The following KCNH1 variants were observed in gnomAD, a reference collection of about 807,000 sequenced individuals.
The protein encoded by KCNH1 is potassium voltage-gated channel subfamily H member 1.
In KCNH1, 27 loss-of-function variants were observed where a neutral mutation model predicts 69.2. The observed-to-expected ratio is 0.39, with a 90% CI of 0.29 to 0.54. KCNH1 has a LOEUF of 0.54. KCNH1 is among the 20% of genes least tolerant of loss of function. KCNH1 has a pLI of 0.68. For missense variants in KCNH1, 798 were observed against 1,261.6 expected, an observed-to-expected ratio of 0.63 and a Z score of 5.57; for synonymous variants, 456 against 487.7, an observed-to-expected ratio of 0.93 and a Z score of 0.86.
intron 6 of KCNH1, among the ~76,000 whole-genome samples, chr1:210,976,227 T>A (rs1458313610): frequency 2.6e-5 from 4 of 152,108 alleles, no homozygotes; most frequent in Admixed American, 2.6e-4. Flanking sequence ...AAATACCATT[T>A]GACCCAGCCA....
chr1:211,094,659 G>A (rs1189654467), intron 3 of KCNH1, among the ~76,000 whole-genome samples: 1 of 152,190 alleles, frequency 6.6e-6, no homozygotes, highest in Non-Finnish European at 1.5e-5. Flanking sequence ...TCCAGGGAGT[G>A]CTGCACAGCA....
At position 210,865,100 on chromosome 1, in the gene KCNH1, A is replaced by G. The variant is rs146766777; in HGVS notation, c.1462+54540T>C. ...CTTTCCAGGTTCAAGGGTAGAGAACAAGTATCAAAGGCAAATTTTTAGAAG... is the reference window on the plus strand; with the variant it reads ...CTTTCCAGGTTCAAGGGTAGAGAACGAGTATCAAAGGCAAATTTTTAGAAG... On this transcript the variant is annotated intron_variant, in intron 7 of 10. Transcript: ENST00000271751. Among the ~76,000 whole-genome samples, 265 of 152,346 alleles carry G rather than the reference A, an allele frequency of 1.7e-3. 4 individuals carry two copies. Among genetic ancestry groups the G allele is most frequent in the African/African-American group, 6.0e-3 (248 of 41,586 alleles).
chr1:210,881,283 G>A (rs1686489145), intron 7 of KCNH1, among the ~76,000 whole-genome samples: 1 of 152,134 alleles, frequency 6.6e-6, no homozygotes, highest in Non-Finnish European at 1.5e-5. Context: ...GATTACAGGT[G>A]TGAGCCACCA....
At chr1:211,066,175 T>C (rs1482510843) in intron 5 of KCNH1, among the ~76,000 whole-genome samples, 2 of 152,212 alleles carry the variant, frequency 1.3e-5, no homozygotes, top group South Asian at 2.1e-4. Flanking sequence ...TTACTTTATA[T>C]ACGTCTTTAG....
rs1021319322 is a variant in KCNH1, at chr1:211,067,062, C to T, written c.558+15718G>A. ...TGGTGTCCCTTCCACATCTTCCCCG[C>T]AGTAATCCCATGGAGAGAGAGGCCA... On this transcript the variant is annotated intron_variant, in intron 5 of 10. Transcript: ENST00000271751. 3.9e-5 allele frequency among the ~76,000 whole-genome samples: 6 copies of T among 152,160 alleles called. No homozygotes were observed. The East Asian group carries it at 9.6e-4, about 24-fold the overall frequency.
chr1:210,684,800 A>G (rs1271587321), intron 10 of KCNH1, among the ~76,000 whole-genome samples: 1 of 152,308 alleles, frequency 6.6e-6, no homozygotes, highest in East Asian at 1.9e-4. Context: ...AACTTGTCCT[A>G]ACAATAATAC....
At chr1:211,005,759 C>A (rs1051008887) in intron 6 of KCNH1, among the ~76,000 whole-genome samples, 3 of 152,176 alleles carry the variant, frequency 2.0e-5, no homozygotes, top group African/African-American at 7.2e-5. Context: ...AAATTAAGAA[C>A]TTTTGCTCAT....
At chr1:211,005,087 A>G (rs1689254245) in intron 6 of KCNH1, among the ~76,000 whole-genome samples, 2 of 152,142 alleles carry the variant, frequency 1.3e-5, no homozygotes, top group South Asian at 4.1e-4. Flanking sequence ...AATGAAAAAA[A>G]GAAAACAGCA....
chr1:210,931,551 C>T (rs1204771914), intron 6 of KCNH1, among the ~76,000 whole-genome samples: 2 of 152,024 alleles, frequency 1.3e-5, no homozygotes, highest in Admixed American at 6.6e-5. Context: ...AAAGACTATA[C>T]ATTGGGTACA....
chr1:210,900,367 A>C (rs1686969263), intron 7 of KCNH1, among the ~76,000 whole-genome samples: 1 of 152,172 alleles, frequency 6.6e-6, no homozygotes, highest in African/African-American at 2.4e-5. Context: ...GGCATTTACA[A>C]GTTCTTTTTG....
intron 10 of KCNH1, among the ~76,000 whole-genome samples, chr1:210,699,414 A>C (rs532681294): frequency 1.1e-4 from 16 of 152,356 alleles, no homozygotes; most frequent in African/African-American, 3.8e-4. Flanking sequence ...CCTTTGTAGC[A>C]TGAGTACAAG....
chr1:211,120,190 A>ATTT lies in KCNH1; in HGVS notation c.80-12816_80-12814dup, dbSNP rs112118539. 7.1e-5 allele frequency among the ~76,000 whole-genome samples: 10 copies of ATTT among 141,336 alleles called. 1 individual carries two copies. Among genetic ancestry groups the ATTT allele is most frequent in the African/African-American group, 2.6e-4 (10 of 38,696 alleles). 92.7% of individuals were successfully genotyped at this position (141,336 alleles called of 152,430 possible). On this transcript the variant is annotated intron_variant, in intron 1 of 10. Transcript: ENST00000271751. ...TTGAATTGATTGATTATATATATAC[A>ATTT]TTTTTTTTTTTTTTTTGAGACAGGG...
At chr1:211,073,466 T>C (rs991618697) in intron 5 of KCNH1, among the ~76,000 whole-genome samples, 1 of 152,190 alleles carries the variant, frequency 6.6e-6, no homozygotes, top group African/African-American at 2.4e-5. Context: ...ATAGGCCACA[T>C]TCTGGGCCAT....
At chr1:210,918,904 A>G in intron 7 of KCNH1, 1 of 152,246 alleles carries the variant, frequency 6.6e-6, no homozygotes, top group South Asian at 2.1e-4. Context: ...AAATATTACC[A>G]TTTCAATATA....
chr1:210,945,616 G>A (rs1319221472), intron 6 of KCNH1, among the ~76,000 whole-genome samples: 1 of 152,138 alleles, frequency 6.6e-6, no homozygotes, highest in African/African-American at 2.4e-5. Context: ...ATTCTGTAAT[G>A]CTCTCTCTCC....
At chr1:210,715,481 A>G (rs1392387431) in intron 10 of KCNH1, among the ~76,000 whole-genome samples, 1 of 151,762 alleles carries the variant, frequency 6.6e-6, no homozygotes, top group Admixed American at 6.6e-5. Context: ...AGCCTGCACA[A>G]TATAGCAAGA....
At chr1:210,807,261 C>A (rs1362875680) in intron 7 of KCNH1, among the ~76,000 whole-genome samples, 1 of 151,974 alleles carries the variant, frequency 6.6e-6, no homozygotes, top group Non-Finnish European at 1.5e-5. Flanking sequence ...GTCACGCTTC[C>A]CTCAGCAATC....
chr1:210,714,548 A>C (rs1558435779), intron 10 of KCNH1, among the ~76,000 whole-genome samples: 1 of 152,198 alleles, frequency 6.6e-6, no homozygotes, highest in Non-Finnish European at 1.5e-5. Flanking sequence ...TGTGACATCC[A>C]CACAAGGGGT....
At chr1:210,963,652 T>C (rs559634677) in intron 6 of KCNH1, among the ~76,000 whole-genome samples, 65 of 151,956 alleles carry the variant, frequency 4.3e-4, no homozygotes, top group African/African-American at 1.6e-3. Context: ...CATACACAAG[T>C]ATCAATAGCC....
Sources: allele counts gnomAD v4.1 joint callset (sites outside exome capture counted in the v4.1 genomes callset), GRCh38; gene constraint gnomAD v4.1.1; transcripts MANE v1.5; gene names NCBI Gene and HGNC (gene_info 2026-07-23, HGNC 2026-07-21).